The following GTF2A1L variants were observed in gnomAD, a reference collection of about 807,000 sequenced individuals.
The protein encoded by GTF2A1L is TFIIA-alpha and beta-like factor.
A neutral mutation model predicts 49.7 loss-of-function variants in GTF2A1L; 48 were observed. The ratio of observed to expected loss-of-function variants is 0.97; its 90% confidence interval spans 0.77 to 1.23. The LOEUF (loss-of-function observed/expected upper bound fraction) is 1.23. Ranked by LOEUF, GTF2A1L falls within the 50% of genes most tolerant of loss-of-function variation. The pLI, the probability that GTF2A1L is intolerant of heterozygous loss-of-function variation, is 0.00. For synonymous variants in GTF2A1L, 246 were observed against 193.5 expected (o/e 1.27, Z -2.25); for missense variants, 736 against 564.8 (o/e 1.30, Z -3.07).
At chr2:48,621,376 G>T in intron 3 of GTF2A1L, 86 bp downstream of exon 3, 1 of 1,580,890 alleles carries the variant, frequency 6.3e-7, no homozygotes, top group South Asian at 1.2e-5. Context: ...ACAGGGTAAT[G>T]TTCTTAGGGT....
chr2:48,628,257 G>A (rs1572700767), intron 3 of GTF2A1L, among the ~76,000 whole-genome samples: 1 of 143,684 alleles, frequency 7.0e-6, no homozygotes, highest in South Asian at 2.4e-4. Flanking sequence ...GGGATTGCTG[G>A]GTCAAATGGT....
At chr2:48,661,176 T>C (rs1678470807) in intron 6 of GTF2A1L, among the ~76,000 whole-genome samples, 1 of 151,910 alleles carries the variant, frequency 6.6e-6, no homozygotes, top group Admixed American at 6.6e-5. Flanking sequence ...AAACTGTTAA[T>C]TTGAGATTGC....
intron 4 of GTF2A1L, among the ~76,000 whole-genome samples, chr2:48,642,887 G>A (rs2104178341): frequency 6.6e-6 from 1 of 151,914 alleles, no homozygotes; most frequent in Admixed American, 6.6e-5. Context: ...GTGGTAAAGA[G>A]TGGGGTGACA....
intron 6 of GTF2A1L, among the ~76,000 whole-genome samples, chr2:48,653,061 C>G (rs1677954076): frequency 6.6e-6 from 1 of 151,678 alleles, no homozygotes; most frequent in South Asian, 2.1e-4. Context: ...AACCCCATCT[C>G]TACTAAAAAT....
intron 6 of GTF2A1L, chr2:48,668,442 C>G (rs1678967428): frequency 6.6e-6 from 1 of 152,050 alleles, no homozygotes; most frequent in Non-Finnish European, 1.5e-5. Context: ...TAAAACAGCC[C>G]CTGATCTTAA....
chr2:48,650,204 C>A (rs1425283734), intron 6 of GTF2A1L, among the ~76,000 whole-genome samples: 1 of 152,126 alleles, frequency 6.6e-6, no homozygotes, highest in East Asian at 1.9e-4. Flanking sequence ...TATATACACA[C>A]TCGTGTGTAG....
intron 3 of GTF2A1L, among the ~76,000 whole-genome samples, chr2:48,631,050 G>C (rs1164608019): frequency 6.6e-6 from 1 of 152,098 alleles, no homozygotes; most frequent in African/African-American, 2.4e-5. Flanking sequence ...TTTGCTCTGT[G>C]TTCATCAGGG....
intron 6 of GTF2A1L, among the ~76,000 whole-genome samples, chr2:48,654,509 C>T (rs181471512): frequency 1.3e-5 from 2 of 151,976 alleles, no homozygotes; most frequent in East Asian, 1.9e-4. Flanking sequence ...CAGTCTCCCG[C>T]GAAGCTGGGA....
At chr2:48,675,428 A>C (rs144188355) in intron 8 of GTF2A1L, among the ~76,000 whole-genome samples, 2,180 of 152,178 alleles carry the variant, frequency 0.014, 88 homozygotes, top group Admixed American at 0.082. Context: ...ATTTATCTTT[A>C]AAATTTAGAG....
At chr2:48,632,790 G>A (rs1325606272) in intron 3 of GTF2A1L, 1 of 190,844 alleles carries the variant, frequency 5.2e-6, no homozygotes, top group Non-Finnish European at 1.1e-5. Flanking sequence ...TGTGTCATGT[G>A]GGTGATAGGC....
rs902924771 is a variant in GTF2A1L, at chr2:48,669,982, G to C, written c.1239G>C (p.Glu413Asp). The change falls in exon 7 of 9, where the codon GAG becomes GAC. Residue 413 changes from glutamate to aspartate, a missense_variant and splice_region_variant. Transcript: ENST00000403751. ...NEDPQVNIVE[E>D]DPLNSGDDVS... ...ACCCTCAAGTAAACATTGTAGAAGA[G>C]GTGAGGATGACTTTTGAGCTGAGAC... The C allele has an allele frequency of 1.2e-6, 2 of 1,602,908 alleles. No homozygotes were observed. The highest frequency in any genetic ancestry group is 2.7e-5 in the African/African-American group (2 of 74,416).
chr2:48,642,542 T>G, intron 4 of GTF2A1L, 85 bp downstream of exon 4: 1 of 1,294,690 alleles, frequency 7.7e-7, no homozygotes, highest in Non-Finnish European at 1.1e-6. Context: ...AGATGTAATT[T>G]CTTACCCTCC....
rs1677506040 is a variant in GTF2A1L, at chr2:48,646,347, A to G, written c.389-106A>G. The G allele has an allele frequency of 5.6e-6, 6 of 1,076,406 alleles. No individual in the cohort carries two copies. The South Asian group carries it at 6.1e-5, about 11-fold the overall frequency. 66.7% of individuals were successfully genotyped at this position (1,076,406 alleles called of 1,614,324 possible). A position where few individuals can be genotyped will look rare whatever the true frequency, so the allele number is the denominator to read the frequency against. ...ATAACCACCATTAACATATTGGTGT[A>G]TTTTTTTCCAGCCTTTGTGGATGAG... is the stretch of plus-strand genomic sequence containing the variant. On this transcript the variant is annotated intron_variant, in intron 5 of 8. Transcript: ENST00000403751.
intron 6 of GTF2A1L, among the ~76,000 whole-genome samples, chr2:48,652,445 G>A (rs7602224): frequency 0.05 from 7,600 of 151,614 alleles, 570 homozygotes; most frequent in African/African-American, 0.17. Flanking sequence ...GTGAAAACTC[G>A]TCTCTACTAA....
In GTF2A1L at chr2:48,622,467, G is replaced by GTTTTA. The variant is rs372708480; in HGVS notation, c.247+1179_247+1180insTTATT. On this transcript the variant is annotated intron_variant, in intron 3 of 8. Coordinates refer to ENST00000403751, the MANE Select transcript of GTF2A1L (RefSeq NM_006872.5). ...TTAAATAACATTCCTTTGGAGTTTT[G>GTTTTA]TTAATCACTGTTTTATTTATTACAG... Among the ~76,000 whole-genome samples, 1,095 of 152,110 alleles carry GTTTTA rather than the reference G, an allele frequency of 7.2e-3. 15 individuals are homozygous for GTTTTA. The highest frequency in any genetic ancestry group is 0.025 in the African/African-American group (1,041 of 41,472).
At chr2:48,629,479 G>A (rs59434321) in intron 3 of GTF2A1L, among the ~76,000 whole-genome samples, 4,191 of 144,162 alleles carry the variant, frequency 0.029, 459 homozygotes, top group African/African-American at 0.096. Context: ...CAATGGCAAG[G>A]TTGTGGACTA....
chr2:48,623,650 C>G (rs77095216), intron 3 of GTF2A1L, among the ~76,000 whole-genome samples: 2 of 152,248 alleles, frequency 1.3e-5, no homozygotes, highest in East Asian at 3.9e-4. Context: ...TTAGCAAAGA[C>G]ATGGAATCAA....
intron 3 of GTF2A1L, among the ~76,000 whole-genome samples, chr2:48,634,651 T>G (rs1053125071): frequency 1.3e-5 from 2 of 152,206 alleles, no homozygotes. Flanking sequence ...CCTGTGCTTA[T>G]GAAACTTAAC....
At chr2:48,648,903 T>C (rs1677691442) in intron 6 of GTF2A1L, among the ~76,000 whole-genome samples, 1 of 152,168 alleles carries the variant, frequency 6.6e-6, no homozygotes, top group Non-Finnish European at 1.5e-5. Context: ...GGTAGGTTTA[T>C]GCTGAACTAA....
Sources: gnomAD v4.1 joint callset for allele counts (sites outside exome capture counted in the v4.1 genomes callset) on GRCh38, gnomAD v4.1.1 for gene constraint, MANE v1.5 for transcripts, NCBI Gene and HGNC (gene_info 2026-07-23, HGNC 2026-07-21) for gene names.